The following JPH2 variants were observed in gnomAD, a reference collection of about 807,000 sequenced individuals.
JPH2 encodes junctophilin-2.
Under a neutral mutation model 55.9 loss-of-function variants are expected in JPH2, and 38 were observed. The observed-to-expected ratio is 0.68, with a 90% CI of 0.52 to 0.89. The LOEUF is 0.89. JPH2 is among the 40% of genes least tolerant of loss of function. JPH2 has a pLI of 0.00. For missense variants in JPH2, 964 were observed against 1,037.6 expected (o/e 0.93, Z 0.97); for synonymous variants, 480 against 472.4 (o/e 1.02, Z -0.21).
intron 2 of JPH2, among the ~76,000 whole-genome samples, chr20:44,130,878 G>T (rs1005123054): frequency 6.6e-6 from 1 of 152,020 alleles, no homozygotes; most frequent in Non-Finnish European, 1.5e-5. Context: ...TTTTTTATCA[G>T]GGCTGTGAAC....
At chr20:44,181,806 G>A (rs1191223245) in intron 1 of JPH2, among the ~76,000 whole-genome samples, 1 of 152,138 alleles carries the variant, frequency 6.6e-6, no homozygotes, top group Non-Finnish European at 1.5e-5. Context: ...CGTCTGGTCA[G>A]CTGCCCACTC....
At chr20:44,115,117 T>C (rs984123453) in intron 4 of JPH2, among the ~76,000 whole-genome samples, 5 of 152,144 alleles carry the variant, frequency 3.3e-5, no homozygotes, top group African/African-American at 1.2e-4. Context: ...CCAAGTCATA[T>C]AGTGTGTGAA....
Position 44,134,322 on chromosome 20 carries a change from T to TA in JPH2, c.1170-15700dup, listed in dbSNP as rs1407829367. 5.2e-3 allele frequency among the ~76,000 whole-genome samples: 7 copies of TA among 1,346 alleles called. 1 individual carries two copies. Among genetic ancestry groups the TA allele is most frequent in the Non-Finnish European group, 0.01 (7 of 668 alleles). The allele number at this position is 1,346 out of a possible 152,430, so 0.9% of individuals were successfully genotyped here. A position where few individuals can be genotyped will look rare whatever the true frequency, so the allele number is the denominator to read the frequency against. On this transcript the variant is annotated intron_variant, in intron 2 of 5. Transcript: ENST00000372980. ...ATATAATAAATATTTATTATAAATA[T>TA]ATAATAAATATATAATAAATATTTA...
intron 1 of JPH2, 64 bp downstream of exon 1, chr20:44,186,263 T>A: frequency 5.4e-5 from 84 of 1,556,768 alleles, no homozygotes; most frequent in Non-Finnish European, 6.1e-5. Flanking sequence ...TTTCCCACCC[T>A]CCACCAGGGT....
At chr20:44,125,438 GC>G (rs1373240843) in intron 2 of JPH2, among the ~76,000 whole-genome samples, 1 of 152,150 alleles carries the variant, frequency 6.6e-6, no homozygotes, top group Non-Finnish European at 1.5e-5. Context: ...AACACATATG[GC>G]CTCAGAGAGC....
At chr20:44,154,062 GT>G (rs2072549188) in intron 2 of JPH2, among the ~76,000 whole-genome samples, 2 of 152,160 alleles carry the variant, frequency 1.3e-5, no homozygotes, top group Non-Finnish European at 2.9e-5. Flanking sequence ...CATAAATCTA[GT>G]TCCCTCTCGA....
intron 2 of JPH2, among the ~76,000 whole-genome samples, chr20:44,156,035 C>A (rs1255844541): frequency 1.5e-3 from 182 of 124,184 alleles, no homozygotes; most frequent in Admixed American, 2.1e-3. Context: ...GACCCTGCCT[C>A]AAAAAAAAAA....
chr20:44,137,800 T>G (rs909625662), intron 2 of JPH2, among the ~76,000 whole-genome samples: 1 of 152,128 alleles, frequency 6.6e-6, no homozygotes, highest in South Asian at 2.1e-4. Flanking sequence ...TTTCAAAGAC[T>G]GGATTTTGAA....
chr20:44,171,592 C>T lies in JPH2; in HGVS notation c.380-11185G>A, dbSNP rs571450735. Among the ~76,000 whole-genome samples the T allele has an allele frequency of 2.6e-5, 4 of 152,264 alleles. No homozygotes were observed. The East Asian group carries it at 7.7e-4, about 29-fold the overall frequency. ...CCCACTCTCTCTCTCTGAGTCTGTGCTCCAGCCTTTTCTGGAACACAGCAT... is the reference window on the plus strand; with the variant it reads ...CCCACTCTCTCTCTCTGAGTCTGTGTTCCAGCCTTTTCTGGAACACAGCAT... On this transcript the variant is annotated intron_variant, in intron 1 of 5. Transcript: ENST00000372980.
rs140892157 is a variant in JPH2 at position 44,166,318 on chromosome 20, G to A, written c.380-5911C>T. Among the ~76,000 whole-genome samples, 486 of 152,300 alleles carry A rather than the reference G, an allele frequency of 3.2e-3. 2 individuals carry two copies. The highest frequency in any genetic ancestry group is 0.031 in the Middle Eastern group (9 of 294). ...ATATGCCAGAGCCAAACTCACATCC[G>A]TGTCTGGCTATGCTCCTCTACTTCT... On this transcript the variant is annotated intron_variant, in intron 1 of 5. Coordinates refer to ENST00000372980, the MANE Select transcript of JPH2 (RefSeq NM_020433.5).
At position 44,116,156 on chromosome 20, in the gene JPH2, G is replaced by C; in HGVS notation, c.1519C>G (p.Leu507Val). Reference sequence around the variant, plus strand: ...TCGCCGTTCCAGGCGCCTGGGCTCAGCAGGCCGTCCTTGGACACCCCGGGC... The same window carrying C: ...TCGCCGTTCCAGGCGCCTGGGCTCACCAGGCCGTCCTTGGACACCCCGGGC... Reference protein sequence around the residue: ...PRPGVSKDGLLSPGAWNGEPS... With the variant: ...PRPGVSKDGLVSPGAWNGEPS... The change falls in exon 4 of 6, where the codon CTG (leucine) becomes GTG (valine). Residue 507 changes from leucine (L) to valine (V), a missense_variant. Physicochemically the swap from Leu to Val is conservative, Grantham distance 32. Coordinates refer to ENST00000372980, the MANE Select transcript of JPH2 (RefSeq NM_020433.5). The C allele has an allele frequency of 7.0e-7, 1 of 1,423,962 alleles. No homozygotes were observed. The highest frequency in any genetic ancestry group is 9.1e-7 in the Non-Finnish European group (1 of 1,099,234). The allele number at this position is 1,423,962 out of a possible 1,614,324, so 88.2% of individuals were successfully genotyped here.
Position 44,115,828 on chromosome 20 carries a change from C to A in JPH2, c.1847G>T (p.Arg616Leu), listed in dbSNP as rs200081425. Residue 616 changes from arginine to leucine, a missense_variant, in exon 4 of 6, where the codon CGC (arginine) becomes CTC (leucine). Transcript: ENST00000372980. ...APTLRGPEPA[R>L]ETPAKLEPKP... is the part of the protein sequence containing the mutation. ...GGGCTCCAGCTTGGCGGGGGTCTCG[C>A]GTGCAGGCTCGGGGCCTCGGAGCGT... 7 of 1,599,716 alleles carry A rather than the reference C, an allele frequency of 4.4e-6. No homozygotes were observed. Among genetic ancestry groups the A allele is most frequent in the Non-Finnish European group, 5.1e-6 (6 of 1,177,628 alleles).
intron 1 of JPH2, chr20:44,177,228 C>G (rs985897830): frequency 3.0e-6 from 3 of 985,644 alleles, no homozygotes; most frequent in Admixed American, 6.1e-5. Flanking sequence ...GGCAGGAAGT[C>G]TATGGCAGGA....
chr20:44,147,577 T>C (rs79569372), intron 2 of JPH2, among the ~76,000 whole-genome samples: 2 of 152,172 alleles, frequency 1.3e-5, no homozygotes, highest in African/African-American at 2.4e-5. Context: ...TATAAGCAAA[T>C]TGTAAACAAC....
intron 1 of JPH2, chr20:44,177,392 C>T (rs569297994): frequency 3.0e-6 from 3 of 987,670 alleles, no homozygotes; most frequent in Admixed American, 6.0e-5. Context: ...CAAGCAAGCT[C>T]GATGAATCCC....
chr20:44,106,894 C>A lies in JPH2; in HGVS notation c.*6624G>T, dbSNP rs1382780647. Among the ~76,000 whole-genome samples the A allele has an allele frequency of 2.6e-5, 4 of 152,078 alleles. No homozygotes were observed. The highest frequency in any genetic ancestry group is 5.9e-5 in the Non-Finnish European group (4 of 68,028). The stretch of plus-strand genomic sequence containing the variant: ...GTGAGAACACAGCCAAACCATATCA[C>A]CCAGTAACAGAGCAAGGGAGGGGTA... On this transcript the variant is annotated 3_prime_UTR_variant, in exon 6 of 6. Transcript: ENST00000372980.
chr20:44,186,262 C>T, intron 1 of JPH2, 65 bp downstream of exon 1: 2 of 1,579,830 alleles, frequency 1.3e-6, no homozygotes, highest in Non-Finnish European at 1.7e-6. Flanking sequence ...CTTTCCCACC[C>T]TCCACCAGGG....
intron 2 of JPH2, among the ~76,000 whole-genome samples, chr20:44,147,927 C>T (rs2072503801): frequency 6.6e-6 from 1 of 152,114 alleles, no homozygotes; most frequent in African/African-American, 2.4e-5. Flanking sequence ...CTTTGGGAGG[C>T]CGAGGCGGGT....
intron 2 of JPH2, among the ~76,000 whole-genome samples, chr20:44,123,669 C>T (rs575021322): frequency 2.0e-5 from 3 of 152,284 alleles, no homozygotes; most frequent in South Asian, 2.1e-4. Flanking sequence ...TAATGCAGTC[C>T]GTGACCCCCA....
Sources: allele counts gnomAD v4.1 joint callset (sites outside exome capture counted in the v4.1 genomes callset), GRCh38; gene constraint gnomAD v4.1.1; transcripts MANE v1.5; gene names NCBI Gene and HGNC (gene_info 2026-07-23, HGNC 2026-07-21).